Variants in DNAJC24 observed in about 807,000 individuals in gnomAD.
DNAJC24 encodes the protein dnaJ homolog subfamily C member 24.
In DNAJC24, 17 loss-of-function variants were observed where a neutral mutation model predicts 18.0. The ratio of observed to expected loss-of-function variants is 0.94; its 90% confidence interval spans 0.65 to 1.42. DNAJC24 has a LOEUF of 1.42. Among genes scored for constraint, DNAJC24 ranks in the 40% most tolerant of loss-of-function variants. The pLI, the probability that DNAJC24 is intolerant of heterozygous loss-of-function variation, is 0.00. For missense variants in DNAJC24, 158 were observed against 175.6 expected (o/e 0.90, Z 0.57); for synonymous variants, 55 against 57.7 (o/e 0.95, Z 0.21).
At chr11:31,371,101 T>A (rs1269709092) in intron 2 of DNAJC24, among the ~76,000 whole-genome samples, 5 of 152,264 alleles carry the variant, frequency 3.3e-5, no homozygotes, top group Non-Finnish European at 7.4e-5. Flanking sequence ...TCTTTATCTG[T>A]GAGAATTTGG....
intron 2 of DNAJC24, chr11:31,384,833 T>C (rs1952412442): frequency 6.6e-6 from 1 of 152,152 alleles, no homozygotes; most frequent in African/African-American, 2.4e-5. Context: ...GAGCTTCAAA[T>C]AGTGTTCCAG....
intron 3 of DNAJC24, chr11:31,416,766 C>T (rs1381130080): frequency 2.0e-5 from 3 of 152,024 alleles, no homozygotes; most frequent in Admixed American, 6.6e-5. Context: ...AATAGGAAAC[C>T]AGGTTAAAAG....
Position 31,430,810 on chromosome 11 carries a change from G to A in DNAJC24, c.*409G>A, listed in dbSNP as rs762541452. The A allele has an allele frequency of 6.5e-6, 1 of 152,720 alleles. No individual in the cohort carries two copies. The highest frequency in any genetic ancestry group is 1.5e-5 in the Non-Finnish European group (1 of 68,154). The allele number at this position is 152,720 out of a possible 1,614,324, so 9.5% of individuals were successfully genotyped here. ...TTCTAGTTGCTAAAGTTATGGGGCT[G>A]TTGTACACCTAGAATCTTTGTGAAT... On this transcript the variant is annotated 3_prime_UTR_variant, in exon 5 of 5. Coordinates refer to ENST00000465995, the MANE Select transcript of DNAJC24 (RefSeq NM_181706.5).
In DNAJC24 at chr11:31,414,950, G is replaced by T. The variant is rs376175939; in HGVS notation, c.250+1G>T. ...AGAGAGTATGACCTGCAGCGGTGTGGTAGGTGCTTGTGTTGAGGAGCCACA... is the reference window on the plus strand; with the variant it reads ...AGAGAGTATGACCTGCAGCGGTGTGTTAGGTGCTTGTGTTGAGGAGCCACA... On this transcript the variant is annotated splice_donor_variant, in intron 3 of 4. Coordinates refer to ENST00000465995, the MANE Select transcript of DNAJC24 (RefSeq NM_181706.5). LOFTEE classifies it high-confidence loss of function. The T allele has an allele frequency of 1.3e-5, 21 of 1,612,458 alleles. No homozygotes were observed. The South Asian group carries it at 2.3e-4, about 18-fold the overall frequency.
chr11:31,385,139 T>A (rs1436421797), intron 2 of DNAJC24: 1 of 152,200 alleles, frequency 6.6e-6, no homozygotes, highest in Non-Finnish European at 1.5e-5. Context: ...TCTAGATTCT[T>A]CATATCGGGT....
chr11:31,370,704 A>T lies in DNAJC24; in HGVS notation c.-33-12A>T, dbSNP rs1350303585. ...CAAACTGTGATGAATTGTCATTAAT[A>T]TTTCTATTCAGCTAATCTGAGAAGG... On this transcript the variant is annotated splice_polypyrimidine_tract_variant and intron_variant, in intron 1 of 4. Transcript: ENST00000465995. The T allele has an allele frequency of 4.6e-6, 6 of 1,312,310 alleles. No individual in the cohort carries two copies. Among genetic ancestry groups the T allele is most frequent in the African/African-American group, 4.5e-5 (3 of 66,964 alleles). The allele number at this position is 1,312,310 out of a possible 1,614,324, so 81.3% of individuals were successfully genotyped here. A position where few individuals can be genotyped will look rare whatever the true frequency, so the allele number is the denominator to read the frequency against.
chr11:31,422,071 A>T (rs948237096), intron 3 of DNAJC24: 11 of 358,024 alleles, frequency 3.1e-5, no homozygotes, highest in Admixed American at 2.4e-4. Context: ...TGTCAGACAA[A>T]TCCAATAGAA....
Position 31,414,682 on chromosome 11 carries a change from A to T in DNAJC24, c.112-129A>T, listed in dbSNP as rs578000057. 474 of 960,434 alleles carry T rather than the reference A, an allele frequency of 4.9e-4. 1 individual carries two copies. The highest frequency in any genetic ancestry group is 1.2e-3 in the Middle Eastern group (5 of 4,258). 59.5% of individuals were successfully genotyped at this position (960,434 alleles called of 1,614,324 possible). A position where few individuals can be genotyped will look rare whatever the true frequency, so the allele number is the denominator to read the frequency against. ...CTCCTGTGCCCAACACTGTTGTCTCATTGCCTTGGCATTTGGTTTTCATCT... is the reference window on the plus strand; with the variant it reads ...CTCCTGTGCCCAACACTGTTGTCTCTTTGCCTTGGCATTTGGTTTTCATCT... On this transcript the variant is annotated intron_variant, in intron 2 of 4. Coordinates refer to ENST00000465995, the MANE Select transcript of DNAJC24 (RefSeq NM_181706.5).
chr11:31,411,313 C>T (rs1324905943), intron 2 of DNAJC24, among the ~76,000 whole-genome samples: 1 of 152,168 alleles, frequency 6.6e-6, no homozygotes, highest in Non-Finnish European at 1.5e-5. Flanking sequence ...ATTGAAACTT[C>T]TTAAAACATT....
chr11:31,401,772 T>C (rs568146187), intron 2 of DNAJC24, among the ~76,000 whole-genome samples: 2 of 152,312 alleles, frequency 1.3e-5, no homozygotes, highest in East Asian at 3.9e-4. Flanking sequence ...ACCCAAGGGA[T>C]GTATGTTTCT....
chr11:31,420,150 A>T (rs1952789800), intron 3 of DNAJC24, among the ~76,000 whole-genome samples: 2 of 152,036 alleles, frequency 1.3e-5, no homozygotes, highest in African/African-American at 4.8e-5. Context: ...TTTCCGACTT[A>T]TTACCTATTT....
chr11:31,417,069 C>T (rs564888465), intron 3 of DNAJC24: 2 of 152,078 alleles, frequency 1.3e-5, no homozygotes, highest in Admixed American at 6.6e-5. Context: ...TATCAGTTTG[C>T]TCTGCAAGTT....
chr11:31,381,142 AATC>A, intron 2 of DNAJC24, among the ~76,000 whole-genome samples: 1 of 152,174 alleles, frequency 6.6e-6, no homozygotes, highest in East Asian at 1.9e-4. Context: ...GTATACATAA[AATC>A]ATACCTCTTG....
chr11:31,396,226 A>T (rs998303426), intron 2 of DNAJC24: 27 of 448,958 alleles, frequency 6.0e-5, no homozygotes, highest in African/African-American at 4.4e-4. Context: ...GGGCAGGAGC[A>T]TGTCTTTCCT....
rs112005922 is a variant in DNAJC24, at chr11:31,395,310, T to C, written c.112-19501T>C. 7.8e-3 allele frequency among the ~76,000 whole-genome samples: 1,186 copies of C among 152,304 alleles called. 19 individuals carry two copies. The highest frequency in any genetic ancestry group is 0.027 in the African/African-American group (1,135 of 41,570). On this transcript the variant is annotated intron_variant, in intron 2 of 4. Transcript: ENST00000465995. ...AACGTTGATGGGCATTTAGGTTGAT[T>C]CCTTGTCTTTACTATTGTGAGTAGT...
intron 2 of DNAJC24, chr11:31,408,263 A>G (rs1239114266): frequency 4.4e-6 from 2 of 453,750 alleles, no homozygotes; most frequent in Non-Finnish European, 8.9e-6. Context: ...AAATTTTAGC[A>G]CGCGTAACAG....
chr11:31,383,443 C>T (rs1177746634), intron 2 of DNAJC24, among the ~76,000 whole-genome samples: 1 of 152,166 alleles, frequency 6.6e-6, no homozygotes, highest in Non-Finnish European at 1.5e-5. Flanking sequence ...AGACCAAATA[C>T]ATGTATTTCT....
chr11:31,425,230 T>G (rs183327998), intron 3 of DNAJC24, among the ~76,000 whole-genome samples: 1 of 152,256 alleles, frequency 6.6e-6, no homozygotes, highest in Non-Finnish European at 1.5e-5. Context: ...AATACATTTG[T>G]GTTGTGGGGT....
intron 2 of DNAJC24, among the ~76,000 whole-genome samples, chr11:31,393,701 A>G (rs1952520069): frequency 1.3e-5 from 2 of 152,206 alleles, no homozygotes; most frequent in Admixed American, 1.3e-4. Context: ...CACAGCCTCC[A>G]GAACTGTGAG....
Sources: gnomAD v4.1 joint callset for allele counts (sites outside exome capture counted in the v4.1 genomes callset) on GRCh38, gnomAD v4.1.1 for gene constraint, MANE v1.5 for transcripts, NCBI Gene and HGNC (gene_info 2026-07-23, HGNC 2026-07-21) for gene names.